The following GAS2L3 variants were observed in gnomAD, a reference collection of about 807,000 sequenced individuals.
GAS2L3 encodes GAS2-like protein 3.
In GAS2L3, 28 loss-of-function variants were observed where a neutral mutation model predicts 37.0. That is an observed-to-expected ratio of 0.76 (90% CI 0.56 to 1.04). The LOEUF (loss-of-function observed/expected upper bound fraction) is 1.04, where lower values mean the gene tolerates loss of function less well. GAS2L3 is among the 50% of genes least tolerant of loss of function. The pLI is 0.00. For missense variants in GAS2L3, 793 were observed against 817.6 expected (o/e 0.97, Z 0.37); for synonymous variants, 290 against 296.6 (o/e 0.98, Z 0.23).
intron 8 of GAS2L3, among the ~76,000 whole-genome samples, chr12:100,621,579 C>T (rs1956252013): frequency 6.6e-6 from 1 of 151,752 alleles, no homozygotes; most frequent in East Asian, 1.9e-4. Flanking sequence ...AGAATTTTAT[C>T]CAATCTTGAG....
intron 1 of GAS2L3, among the ~76,000 whole-genome samples, chr12:100,574,284 A>G (rs1955608815): frequency 6.6e-6 from 1 of 152,186 alleles, no homozygotes; most frequent in Non-Finnish European, 1.5e-5. Flanking sequence ...AAAGAGAAAG[A>G]GACAGACAGT....
chr12:100,609,787 A>G (rs1390966971), intron 5 of GAS2L3, among the ~76,000 whole-genome samples: 2 of 152,200 alleles, frequency 1.3e-5, no homozygotes, highest in South Asian at 2.1e-4. Context: ...ATGGGCAGAC[A>G]TCAGCTACTA....
Position 100,612,099 on chromosome 12 carries a change from A to G in GAS2L3, c.403A>G (p.Ile135Val), listed in dbSNP as rs1249994853. 4 of 1,612,726 alleles carry G rather than the reference A, an allele frequency of 2.5e-6. No homozygotes were observed. The South Asian group carries it at 3.3e-5, about 13-fold the overall frequency. ...TANFLHWCRD[I>V]GVDETYLFES... ...AAACTTCCTTCACTGGTGTAGGGAC[A>G]TTGGGGTTGATGAAACTTACCTCTT... The change falls in exon 6 of 10, where the codon ATT (isoleucine) becomes GTT (valine). Residue 135 changes from isoleucine to valine, a missense_variant. Ile to Val is a conservative substitution (Grantham distance 29). Transcript: ENST00000547754.
chr12:100,580,070 A>G (rs886562027), intron 1 of GAS2L3: 3 of 1,431,434 alleles, frequency 2.1e-6, no homozygotes, highest in South Asian at 2.3e-5. Context: ...TTTTCTTGAG[A>G]TGGATGACTC....
At chr12:100,597,437 C>T (rs1955926953) in intron 3 of GAS2L3, among the ~76,000 whole-genome samples, 1 of 151,802 alleles carries the variant, frequency 6.6e-6, no homozygotes, top group Admixed American at 6.6e-5. Context: ...ATTAGTAAAG[C>T]GTTACTGTAC....
chr12:100,583,150 C>T (rs1177106569), intron 1 of GAS2L3, among the ~76,000 whole-genome samples: 2 of 152,204 alleles, frequency 1.3e-5, no homozygotes, highest in Non-Finnish European at 2.9e-5. Flanking sequence ...AAGAATGGCA[C>T]TCCATAGGCA....
At chr12:100,605,159 G>A (rs1197668246) in intron 5 of GAS2L3, among the ~76,000 whole-genome samples, 2 of 151,988 alleles carry the variant, frequency 1.3e-5, no homozygotes, top group African/African-American at 2.4e-5. Context: ...AGTTTGAGTA[G>A]GATTGCTATT....
chr12:100,623,636 T>C lies in GAS2L3; in HGVS notation c.831T>C (p.Tyr277=). Residue 277 remains tyrosine, a synonymous_variant, in exon 10 of 10, where the codon TAT becomes TAC. Transcript: ENST00000547754. ...WDTLQGFLLK[Y]DPCRILQFAT... is the part of the protein sequence containing the mutation. ...CTCTTCAAGGATTTTTGCTTAAATATGACCCCTGTCGAATATTACAGTTTG... is the reference window on the plus strand; with the variant it reads ...CTCTTCAAGGATTTTTGCTTAAATACGACCCCTGTCGAATATTACAGTTTG... 2 of 1,613,788 alleles carry C rather than the reference T, an allele frequency of 1.2e-6. No homozygotes were observed. The highest frequency in any genetic ancestry group is 1.7e-6 in the Non-Finnish European group (2 of 1,179,788).
At chr12:100,601,307 A>C (rs927175492) in intron 4 of GAS2L3, among the ~76,000 whole-genome samples, 1 of 152,122 alleles carries the variant, frequency 6.6e-6, no homozygotes, top group Non-Finnish European at 1.5e-5. Flanking sequence ...TATTGTCTTT[A>C]ATTTTAAAAT....
Position 100,625,661 on chromosome 12 carries a change from T to C in GAS2L3, c.*771T>C, listed in dbSNP as rs1956325314. Reference sequence around the variant, plus strand: ...ACCTTATGTTTCACATGTTGTGCAATGTGACAGGGGAAGCTGATTTAGTAG... The same window carrying C: ...ACCTTATGTTTCACATGTTGTGCAACGTGACAGGGGAAGCTGATTTAGTAG... On this transcript the variant is annotated 3_prime_UTR_variant, in exon 10 of 10. Coordinates refer to ENST00000547754, the MANE Select transcript of GAS2L3 (RefSeq NM_174942.3). 1 of 152,210 alleles carries C rather than the reference T, an allele frequency of 6.6e-6. No individual in the cohort carries two copies. The allele number at this position is 152,210 out of a possible 1,614,324, so 9.4% of individuals were successfully genotyped here. A position where few individuals can be genotyped will look rare whatever the true frequency, so the allele number is the denominator to read the frequency against.
chr12:100,612,292 G>A, intron 6 of GAS2L3, 151 bp downstream of exon 6: 1 of 646,244 alleles, frequency 1.5e-6, no homozygotes, highest in Non-Finnish European at 2.7e-6. Flanking sequence ...AGAATTATTG[G>A]AGAATCAGAT....
chr12:100,619,595 G>A (rs898947967), intron 8 of GAS2L3, among the ~76,000 whole-genome samples: 2 of 151,674 alleles, frequency 1.3e-5, no homozygotes, highest in African/African-American at 4.8e-5. Context: ...TCTTTTATCT[G>A]GCCAAAATAT....
intron 1 of GAS2L3, among the ~76,000 whole-genome samples, chr12:100,587,093 C>T (rs749266886): frequency 1.5e-4 from 23 of 151,964 alleles, no homozygotes; most frequent in African/African-American, 5.1e-4. Flanking sequence ...AAGAAATTAC[C>T]AACAAAAAAG....
At chr12:100,587,435 G>A (rs562614197) in intron 1 of GAS2L3, among the ~76,000 whole-genome samples, 18 of 152,258 alleles carry the variant, frequency 1.2e-4, no homozygotes, top group African/African-American at 1.7e-4. Context: ...TAACATATGC[G>A]AGTCAGTAAA....
intron 1 of GAS2L3, among the ~76,000 whole-genome samples, chr12:100,577,688 G>A (rs1223763199): frequency 6.6e-6 from 1 of 152,238 alleles, no homozygotes; most frequent in Non-Finnish European, 1.5e-5. Flanking sequence ...CCACCTTAAG[G>A]ATCTTATTTT....
At chr12:100,591,493 T>A (rs1344651683) in intron 1 of GAS2L3, among the ~76,000 whole-genome samples, 1 of 152,212 alleles carries the variant, frequency 6.6e-6, no homozygotes, top group African/African-American at 2.4e-5. Context: ...TAACTATATT[T>A]ATTTTTGTGT....
At chr12:100,595,986 A>G (rs966332828) in intron 3 of GAS2L3, among the ~76,000 whole-genome samples, 3 of 151,928 alleles carry the variant, frequency 2.0e-5, no homozygotes, top group Non-Finnish European at 4.4e-5. Context: ...TCAATTTAAC[A>G]GTGGATGACA....
intron 1 of GAS2L3, chr12:100,579,326 C>G: frequency 3.0e-6 from 2 of 663,104 alleles, no homozygotes; most frequent in Admixed American, 2.4e-5. Context: ...TACCGTACTA[C>G]GAGCGGCACT....
intron 1 of GAS2L3, among the ~76,000 whole-genome samples, chr12:100,586,649 C>T (rs984213756): frequency 6.6e-6 from 1 of 152,122 alleles, no homozygotes; most frequent in Non-Finnish European, 1.5e-5. Context: ...CAAACTAATA[C>T]TCTTAAGGTC....
Sources: allele counts gnomAD v4.1 joint callset (sites outside exome capture counted in the v4.1 genomes callset), GRCh38; gene constraint gnomAD v4.1.1; transcripts MANE v1.5; gene names NCBI Gene and HGNC (gene_info 2026-07-23, HGNC 2026-07-21).